Variants in VPS13B observed in about 807,000 individuals in gnomAD.
The protein encoded by VPS13B is intermembrane lipid transfer protein VPS13B.
In VPS13B, 285 loss-of-function variants were observed where a neutral mutation model predicts 426.4. The ratio of observed to expected loss-of-function variants is 0.67; its 90% CI spans 0.61 to 0.74. VPS13B has a LOEUF of 0.74. VPS13B is among the 30% of genes least tolerant of loss of function. VPS13B has a pLI of 0.00. For missense variants in VPS13B, 4,537 were observed against 4,782.6 expected (o/e 0.95, Z 1.51); for synonymous variants, 1,676 against 1,676.4 (o/e 1.00, Z 0.01).
At chr8:99,595,564 G>A (rs1031854625) in intron 33 of VPS13B, among the ~76,000 whole-genome samples, 1 of 151,628 alleles carries the variant, frequency 6.6e-6, no homozygotes, top group African/African-American at 2.4e-5. Flanking sequence ...TGATTAAGCA[G>A]TGTTTTTTTA....
chr8:99,236,350 A>T (rs1345453887), intron 17 of VPS13B, among the ~76,000 whole-genome samples: 1 of 151,982 alleles, frequency 6.6e-6, no homozygotes, highest in East Asian at 1.9e-4. Context: ...CCCAGGTTCA[A>T]GCAATTCTCC....
intron 34 of VPS13B, among the ~76,000 whole-genome samples, chr8:99,652,813 AT>A (rs1366774621): frequency 6.6e-6 from 1 of 152,178 alleles, no homozygotes; most frequent in Non-Finnish European, 1.5e-5. Flanking sequence ...TTATCTGGAA[AT>A]TTAGCTGCTG....
intron 21 of VPS13B, among the ~76,000 whole-genome samples, chr8:99,410,578 T>TTAG (rs1815588819): frequency 6.7e-6 from 1 of 149,278 alleles, no homozygotes; most frequent in Admixed American, 6.7e-5. Flanking sequence ...TTATTTATTA[T>TTAG]TATAATTTAA....
intron 43 of VPS13B, among the ~76,000 whole-genome samples, chr8:99,795,578 A>G (rs942243414): frequency 2.6e-5 from 4 of 152,200 alleles, no homozygotes; most frequent in Non-Finnish European, 5.9e-5. Flanking sequence ...ATAAGCACTT[A>G]TTATCCCACA....
intron 33 of VPS13B, among the ~76,000 whole-genome samples, chr8:99,640,362 C>T (rs1455817872): frequency 6.6e-6 from 1 of 151,782 alleles, no homozygotes; most frequent in Non-Finnish European, 1.5e-5. Flanking sequence ...CTGCAAACAC[C>T]ACCTCCCAGG....
chr8:99,206,019 T>G (rs1429887565), intron 17 of VPS13B, among the ~76,000 whole-genome samples: 1 of 152,212 alleles, frequency 6.6e-6, no homozygotes, highest in Non-Finnish European at 1.5e-5. Flanking sequence ...TATGTATTAT[T>G]AATCAGGTTA....
chr8:99,365,756 C>T (rs748660190), intron 19 of VPS13B, among the ~76,000 whole-genome samples: 2 of 151,858 alleles, frequency 1.3e-5, no homozygotes, highest in African/African-American at 4.8e-5. Context: ...ACCTTGTGAT[C>T]CGCCCCCTTC....
At chr8:99,634,400 G>T (rs1828989424) in intron 33 of VPS13B, among the ~76,000 whole-genome samples, 1 of 151,944 alleles carries the variant, frequency 6.6e-6, no homozygotes, top group Non-Finnish European at 1.5e-5. Flanking sequence ...TTTTATTGCA[G>T]TTAGCACTTA....
intron 12 of VPS13B, among the ~76,000 whole-genome samples, chr8:99,140,021 G>A (rs2132570350): frequency 6.6e-6 from 1 of 152,076 alleles, no homozygotes; most frequent in Middle Eastern, 3.4e-3. Context: ...TAGTTTGAAG[G>A]CGGATTTGAT....
At chr8:99,485,460 A>G (rs1469932577) in intron 25 of VPS13B, among the ~76,000 whole-genome samples, 2 of 152,206 alleles carry the variant, frequency 1.3e-5, no homozygotes, top group Non-Finnish European at 1.5e-5. Flanking sequence ...TGTCACAGCT[A>G]TGCTGAGACA....
intron 21 of VPS13B, among the ~76,000 whole-genome samples, chr8:99,424,713 G>A (rs1359750912): frequency 2.0e-5 from 3 of 152,096 alleles, no homozygotes; most frequent in African/African-American, 4.8e-5. Context: ...TAAGATCAGA[G>A]CAGAATTGAA....
At chr8:99,814,458 G>A (rs1813903106) in intron 44 of VPS13B, among the ~76,000 whole-genome samples, 1 of 152,104 alleles carries the variant, frequency 6.6e-6, no homozygotes, top group Admixed American at 6.6e-5. Context: ...CTGGTCTCAG[G>A]TGGCATTAAA....
intron 40 of VPS13B, among the ~76,000 whole-genome samples, chr8:99,771,565 AATGTG>A (rs1811491458): frequency 1.3e-5 from 2 of 152,216 alleles, no homozygotes; most frequent in Non-Finnish European, 2.9e-5. Flanking sequence ...TGAGTGTGTG[AATGTG>A]AAGAAGAACT....
intron 39 of VPS13B, among the ~76,000 whole-genome samples, chr8:99,744,296 G>T (rs182695962): frequency 2.6e-4 from 40 of 152,264 alleles, no homozygotes; most frequent in African/African-American, 9.4e-4. Context: ...CTAGAATGGT[G>T]ATCATTAAAA....
chr8:99,798,226 C>CA (rs34155215), intron 43 of VPS13B, among the ~76,000 whole-genome samples: 7,450 of 84,814 alleles, frequency 0.088, 212 homozygotes, highest in South Asian at 0.12. Context: ...TTGAAATAGC[C>CA]AAAAAAAAAA....
At chr8:99,364,647 G>A (rs1812749603) in intron 19 of VPS13B, among the ~76,000 whole-genome samples, 1 of 152,092 alleles carries the variant, frequency 6.6e-6, no homozygotes, top group Non-Finnish European at 1.5e-5. Context: ...TGCCCAGGCT[G>A]GTCTTGAACT....
intron 33 of VPS13B, among the ~76,000 whole-genome samples, chr8:99,586,574 A>G (rs1283748372): frequency 1.3e-5 from 2 of 152,146 alleles, no homozygotes; most frequent in African/African-American, 4.8e-5. Context: ...ATTCTGAATC[A>G]GATTAATCAA....
chr8:99,493,445 A>T (rs1294263587), intron 25 of VPS13B, among the ~76,000 whole-genome samples: 1 of 152,184 alleles, frequency 6.6e-6, no homozygotes, highest in African/African-American at 2.4e-5. Context: ...ATCTGATCTA[A>T]ATTTGAAAGT....
chr8:99,304,629 A>C (rs1238839095), intron 19 of VPS13B, among the ~76,000 whole-genome samples: 1 of 152,262 alleles, frequency 6.6e-6, no homozygotes, highest in East Asian at 1.9e-4. Context: ...CATTAGACCC[A>C]GCACTTCCAG....
Sources: gnomAD v4.1 joint callset for allele counts (sites outside exome capture counted in the v4.1 genomes callset) on GRCh38, gnomAD v4.1.1 for gene constraint, MANE v1.5 for transcripts, NCBI Gene and HGNC (gene_info 2026-07-23, HGNC 2026-07-21) for gene names.